Variants in MAP3K2 observed in about 807,000 individuals in gnomAD.
MAP3K2 encodes mitogen-activated protein kinase kinase kinase 2.
Under a neutral mutation model 80.3 loss-of-function variants are expected in MAP3K2, and 24 were observed. The observed-to-expected ratio is 0.30, with a 90% CI of 0.22 to 0.42. The LOEUF is 0.42. Among genes scored for constraint, MAP3K2 ranks in the 10% least tolerant of loss-of-function variants. The pLI, the probability that MAP3K2 is intolerant of heterozygous loss-of-function variation, is 1.00. For synonymous variants in MAP3K2, 244 were observed against 253.7 expected (o/e 0.96, Z 0.36); for missense variants, 608 against 750.1 (o/e 0.81, Z 2.21).
chr2:127,383,816 A>C (rs1177999510), intron 1 of MAP3K2, among the ~76,000 whole-genome samples: 3 of 152,300 alleles, frequency 2.0e-5, no homozygotes, highest in Middle Eastern at 3.4e-3. Flanking sequence ...AAATAAAAAA[A>C]TTAGGCTAGC....
rs1379604704 is a variant in MAP3K2, at chr2:127,302,629, T to C, written c.*4950A>G. On this transcript the variant is annotated 3_prime_UTR_variant, in exon 17 of 17. Coordinates refer to ENST00000682094, the MANE Select transcript of MAP3K2 (RefSeq NM_001371910.2). ...TCATTGCCTTAACATTTGTAAACCA[T>C]GTGAATGACTTCTTTAGGGCAAAAA... 1 of 152,182 alleles carries C rather than the reference T, an allele frequency of 6.6e-6. No individual in the cohort carries two copies. The highest frequency in any genetic ancestry group is 2.4e-5 in the African/African-American group (1 of 41,440). 9.4% of individuals were successfully genotyped at this position (152,182 alleles called of 1,614,324 possible). A position where few individuals can be genotyped will look rare whatever the true frequency, so the allele number is the denominator to read the frequency against.
At chr2:127,329,535 T>C (rs1387785749) in intron 7 of MAP3K2, among the ~76,000 whole-genome samples, 1 of 152,100 alleles carries the variant, frequency 6.6e-6, no homozygotes, top group African/African-American at 2.4e-5. Context: ...TTTTGTAATT[T>C]TAGTAGAGAT....
At chr2:127,358,986 C>T (rs1686840243) in intron 1 of MAP3K2, among the ~76,000 whole-genome samples, 1 of 151,792 alleles carries the variant, frequency 6.6e-6, no homozygotes, top group Non-Finnish European at 1.5e-5. Flanking sequence ...TCAGAAAAGG[C>T]AAAACTATGG....
Position 127,326,696 on chromosome 2 carries a change from G to T in MAP3K2, c.588C>A (p.Ser196Arg). The T allele has an allele frequency of 6.3e-7, 1 of 1,583,896 alleles. No individual in the cohort carries two copies. The highest frequency in any genetic ancestry group is 8.6e-7 in the Non-Finnish European group (1 of 1,167,918). ...INSEGEFIPE[S>R]MDQMLDPLSL... is the part of the protein sequence containing the mutation. The stretch of plus-strand genomic sequence containing the variant: ...TCAAACTTTTGCTTACTTGGTCCAT[G>T]CTCTCTGGAATGAACTCTCCTTCAC... Residue 196 changes from serine (S) to arginine (R), a missense_variant, in exon 8 of 17, where the codon AGC becomes AGA. Coordinates refer to ENST00000682094, the MANE Select transcript of MAP3K2 (RefSeq NM_001371910.2).
In MAP3K2 at chr2:127,363,937, A is replaced by T. The variant is rs184741828; in HGVS notation, c.-65-20743T>A. On this transcript the variant is annotated intron_variant, in intron 1 of 16. Coordinates refer to ENST00000682094, the MANE Select transcript of MAP3K2 (RefSeq NM_001371910.2). ...CTCCAAAGTACTGGGATTATAGGCA[A>T]GAGCCACCAAGCCCAGCCAGGAAAC... is the stretch of plus-strand genomic sequence containing the variant. Among the ~76,000 whole-genome samples, 161 of 152,274 alleles carry T rather than the reference A, an allele frequency of 1.1e-3. 1 individual carries two copies. Among genetic ancestry groups the T allele is most frequent in the African/African-American group, 3.6e-3 (149 of 41,554 alleles).
intron 14 of MAP3K2, among the ~76,000 whole-genome samples, chr2:127,317,335 G>A (rs1237152917): frequency 6.6e-6 from 1 of 152,092 alleles, no homozygotes; most frequent in Non-Finnish European, 1.5e-5. Flanking sequence ...TGTATAGACT[G>A]GAACTTGGTG....
intron 4 of MAP3K2, among the ~76,000 whole-genome samples, chr2:127,336,866 G>A (rs1686382510): frequency 6.6e-6 from 1 of 152,110 alleles, no homozygotes; most frequent in Non-Finnish European, 1.5e-5. Flanking sequence ...ATCAGGCTGG[G>A]AGCGTGGGTC....
rs1438394274 is a variant in MAP3K2 at position 127,305,503 on chromosome 2, G to A, written c.*2076C>T. 6.6e-6 allele frequency: 1 copy of A among 151,988 alleles called. No homozygotes were observed. The highest frequency in any genetic ancestry group is 1.5e-5 in the Non-Finnish European group (1 of 67,982). 9.4% of individuals were successfully genotyped at this position (151,988 alleles called of 1,614,324 possible). On this transcript the variant is annotated 3_prime_UTR_variant, in exon 17 of 17. Coordinates refer to ENST00000682094, the MANE Select transcript of MAP3K2 (RefSeq NM_001371910.2). ...TCAAATATTCCTACAGGGAATGCTA[G>A]GTAGGACCTTGGCACAGTAAACCAA...
chr2:127,314,131 T>C (rs1279430477), intron 15 of MAP3K2, among the ~76,000 whole-genome samples: 1 of 152,182 alleles, frequency 6.6e-6, no homozygotes, highest in African/African-American at 2.4e-5. Context: ...TTTATGCATT[T>C]ACCTACATCC....
intron 1 of MAP3K2, among the ~76,000 whole-genome samples, chr2:127,355,346 A>G (rs1686778989): frequency 6.6e-6 from 1 of 152,162 alleles, no homozygotes; most frequent in South Asian, 2.1e-4. Flanking sequence ...GACAGAAAAC[A>G]TCATCATTAA....
rs1553516647 is a variant in MAP3K2, at chr2:127,326,786, G to A, written c.498C>T (p.Pro166=). The change falls in exon 8 of 17, where the codon CCC becomes CCT. Residue 166 remains proline, a synonymous_variant. Transcript: ENST00000682094. ...GPTSRDRSSP[P]PGYIPDELHQ... ...GTAATTCATCTGGAATGTAACCTGG[G>A]GGAGGAGAACTTCTATCTCTACTAG... The A allele has an allele frequency of 1.3e-6, 2 of 1,598,074 alleles. No individual in the cohort carries two copies. Among genetic ancestry groups the A allele is most frequent in the South Asian group, 2.3e-5 (2 of 88,880 alleles).
Position 127,387,464 on chromosome 2 carries a change from A to C in MAP3K2, c.-78T>G, listed in dbSNP as rs1466717315. On this transcript the variant is annotated 5_prime_UTR_variant, in exon 1 of 17. Transcript: ENST00000682094. ...CACACGCACGTACCGGCTGCTCCGC[A>C]GGGACGTAGAGAGCCGCAGGCCCAA... 7.1e-6 allele frequency: 7 copies of C among 985,016 alleles called. No homozygotes were observed. The East Asian group carries it at 6.9e-4, about 96-fold the overall frequency. The allele number at this position is 985,016 out of a possible 1,614,324, so 61.0% of individuals were successfully genotyped here.
At chr2:127,328,178 G>A (rs968808801) in intron 7 of MAP3K2, among the ~76,000 whole-genome samples, 1 of 152,228 alleles carries the variant, frequency 6.6e-6, no homozygotes, top group African/African-American at 2.4e-5. Context: ...AGGAGGCTGA[G>A]GCAGGAGAAT....
chr2:127,387,231 G>C (rs752900385), intron 1 of MAP3K2, among the ~76,000 whole-genome samples: 1 of 152,080 alleles, frequency 6.6e-6, no homozygotes, highest in African/African-American at 2.4e-5. Context: ...CAGCCCAGCA[G>C]CCTACTTCGC....
chr2:127,352,087 G>A (rs533856898), intron 1 of MAP3K2, among the ~76,000 whole-genome samples: 1 of 152,090 alleles, frequency 6.6e-6, no homozygotes, highest in South Asian at 2.1e-4. Context: ...ATGTTGCCCA[G>A]TCTGGTCTTG....
At chr2:127,336,174 A>C (rs1341259080) in intron 4 of MAP3K2, among the ~76,000 whole-genome samples, 1 of 152,212 alleles carries the variant, frequency 6.6e-6, no homozygotes, top group Non-Finnish European at 1.5e-5. Context: ...GTTTTATCCT[A>C]ATACAAATTT....
At chr2:127,348,618 T>TCA (rs1464009051) in intron 1 of MAP3K2, among the ~76,000 whole-genome samples, 2 of 152,108 alleles carry the variant, frequency 1.3e-5, no homozygotes, top group African/African-American at 4.8e-5. Flanking sequence ...TGAATGAGTA[T>TCA]GAAGTATCTT....
At chr2:127,380,193 C>T (rs909171650) in intron 1 of MAP3K2, among the ~76,000 whole-genome samples, 8 of 152,264 alleles carry the variant, frequency 5.3e-5, no homozygotes, top group South Asian at 4.1e-4. Flanking sequence ...AACAACAAAA[C>T]GCTGCCTCTG....
chr2:127,332,972 A>T (rs1454099125), intron 5 of MAP3K2, among the ~76,000 whole-genome samples: 1 of 151,896 alleles, frequency 6.6e-6, no homozygotes, highest in Non-Finnish European at 1.5e-5. Context: ...TCTAGAAAAA[A>T]TACAAAAATT....
Sources: allele counts gnomAD v4.1 joint callset (sites outside exome capture counted in the v4.1 genomes callset), GRCh38; gene constraint gnomAD v4.1.1; transcripts MANE v1.5; gene names NCBI Gene and HGNC (gene_info 2026-07-23, HGNC 2026-07-21).